Variants in DDX10 observed in about 807,000 individuals in gnomAD.
The protein encoded by DDX10 is DEAD-box helicase 10, also known as probable ATP-dependent RNA helicase DDX10.
Under a neutral mutation model 104.3 loss-of-function variants are expected in DDX10, and 74 were observed. That is an observed-to-expected ratio of 0.71 (90% CI 0.59 to 0.86). DDX10 has a LOEUF of 0.86. Ranked by LOEUF, DDX10 falls within the 40% of genes least tolerant of loss-of-function variation. DDX10 has a pLI of 0.00. For missense variants in DDX10, 952 were observed against 1,040.0 expected (o/e 0.92, Z 1.16); for synonymous variants, 351 against 353.4 (o/e 0.99, Z 0.08).
chr11:108,839,918 T>C (rs977963808), intron 14 of DDX10, among the ~76,000 whole-genome samples: 1 of 152,224 alleles, frequency 6.6e-6, no homozygotes, highest in Non-Finnish European at 1.5e-5. Flanking sequence ...ACTGCATAAA[T>C]TATACCAATT....
At chr11:108,686,428 C>T (rs1009570316) in intron 6 of DDX10, among the ~76,000 whole-genome samples, 2 of 152,188 alleles carry the variant, frequency 1.3e-5, no homozygotes, top group Non-Finnish European at 2.9e-5. Flanking sequence ...AGCCGCTGAT[C>T]TTTTTACTGT....
intron 16 of DDX10, among the ~76,000 whole-genome samples, chr11:108,861,525 G>A (rs1334857217): frequency 2.0e-5 from 3 of 152,136 alleles, no homozygotes; most frequent in Non-Finnish European, 4.4e-5. Flanking sequence ...ATGATATTGA[G>A]CAAAAGATGC....
rs74566067 is a variant in DDX10, at chr11:108,666,986, T to G, written c.186+1647T>G. ...TTAGCTACTTCTCTCTTACCTACTC[T>G]TATATCCAGTCGGTCACACTGCTGA... On this transcript the variant is annotated intron_variant, in intron 1 of 17. Coordinates refer to ENST00000322536, the MANE Select transcript of DDX10 (RefSeq NM_004398.4). 7.6e-3 allele frequency among the ~76,000 whole-genome samples: 1,165 copies of G among 152,326 alleles called. 31 individuals are homozygous for G. Among genetic ancestry groups the G allele is most frequent in the East Asian group, 0.043 (221 of 5,188 alleles).
chr11:108,692,540 C>G (rs1591793300), intron 8 of DDX10, among the ~76,000 whole-genome samples: 1 of 152,160 alleles, frequency 6.6e-6, no homozygotes. Context: ...GAGAGGAAAA[C>G]TAGACTTAGG....
At chr11:108,841,588 T>C in intron 15 of DDX10, 112 bp downstream of exon 15, 1 of 1,007,910 alleles carries the variant, frequency 9.9e-7, no homozygotes, top group Non-Finnish European at 1.4e-6. Context: ...TTGTTTTCTC[T>C]GACACTTCTT....
intron 10 of DDX10, among the ~76,000 whole-genome samples, chr11:108,710,260 C>T (rs2094282332): frequency 6.6e-6 from 1 of 151,988 alleles, no homozygotes; most frequent in Non-Finnish European, 1.5e-5. Flanking sequence ...ACGTAGGCTA[C>T]ACTAAACTTT....
intron 13 of DDX10, among the ~76,000 whole-genome samples, chr11:108,783,049 T>C (rs1476597384): frequency 6.6e-6 from 1 of 152,206 alleles, no homozygotes; most frequent in Non-Finnish European, 1.5e-5. Flanking sequence ...CTCAGATTAT[T>C]CATCGCCTCT....
At chr11:108,938,159 C>G (rs781132092) in intron 17 of DDX10, among the ~76,000 whole-genome samples, 36 of 151,974 alleles carry the variant, frequency 2.4e-4, no homozygotes, top group Admixed American at 6.6e-4. Flanking sequence ...TACATTATCC[C>G]CCTTTTGGTA....
In DDX10 at chr11:108,693,581, A is replaced by C; in HGVS notation, c.1204A>C (p.Arg402=). 6.2e-7 allele frequency: 1 copy of C among 1,613,872 alleles called. No individual in the cohort carries two copies. Among genetic ancestry groups the C allele is most frequent in the Non-Finnish European group, 8.5e-7 (1 of 1,179,736 alleles). ...CPEDANTYIH[R]AGRTARYKED... ...TGAGGATGCCAACACATATATTCAC[A>C]GAGCAGGTAGAACTGCCAGGTAGGT... is the stretch of plus-strand genomic sequence containing the variant. The change falls in exon 9 of 18, where the codon AGA becomes CGA. Residue 402 remains arginine (R), a synonymous_variant. Coordinates refer to ENST00000322536, the MANE Select transcript of DDX10 (RefSeq NM_004398.4).
At chr11:108,695,758 GTGTTTTTTTTTTT>G (rs1449853567) in intron 9 of DDX10, among the ~76,000 whole-genome samples, 1 of 143,038 alleles carries the variant, frequency 7.0e-6, no homozygotes, top group Non-Finnish European at 1.5e-5. Context: ...GAGTGTTTAA[GTGTTTTTTTTTTT>G]TGTTTTTTTT....
At chr11:108,704,368 T>C (rs187863911) in intron 9 of DDX10, among the ~76,000 whole-genome samples, 40 of 152,336 alleles carry the variant, frequency 2.6e-4, no homozygotes, top group Non-Finnish European at 3.4e-4. Flanking sequence ...TCTCTGTCCT[T>C]ATGGTTCCAA....
chr11:108,768,554 T>C (rs2094359072), intron 13 of DDX10, among the ~76,000 whole-genome samples: 1 of 152,188 alleles, frequency 6.6e-6, no homozygotes, highest in Non-Finnish European at 1.5e-5. Context: ...TGCAGCATAT[T>C]TTAATTTGTC....
In DDX10 at chr11:108,673,459, T is replaced by G. The variant is rs1287146177; in HGVS notation, c.187-8T>G. On this transcript the variant is annotated splice_polypyrimidine_tract_variant and splice_region_variant and intron_variant, in intron 1 of 17. Coordinates refer to ENST00000322536, the MANE Select transcript of DDX10 (RefSeq NM_004398.4). ...GAGTTACCCTGATTCCTTTTTCTTT[T>G]TTTCCAGATAAATGTAAATGAAATC... 3.2e-6 allele frequency: 5 copies of G among 1,572,990 alleles called. No homozygotes were observed. The highest frequency in any genetic ancestry group is 4.4e-6 in the Non-Finnish European group (5 of 1,144,656).
intron 14 of DDX10, among the ~76,000 whole-genome samples, chr11:108,840,825 C>T (rs906235838): frequency 6.6e-6 from 1 of 152,156 alleles, no homozygotes. Flanking sequence ...ACAAGACATA[C>T]AACTGCCCTC....
chr11:108,792,168 A>G (rs1047061071), intron 13 of DDX10, among the ~76,000 whole-genome samples: 11 of 152,178 alleles, frequency 7.2e-5, no homozygotes, highest in African/African-American at 2.4e-4. Context: ...ATATTTGGGT[A>G]TAAATTCTGT....
At chr11:108,793,924 G>T (rs530362621) in intron 13 of DDX10, among the ~76,000 whole-genome samples, 109 of 151,588 alleles carry the variant, frequency 7.2e-4, no homozygotes, top group African/African-American at 2.6e-3. Context: ...GAGAACATGG[G>T]ATATTTGTCT....
intron 10 of DDX10, among the ~76,000 whole-genome samples, chr11:108,710,296 G>T (rs574201140): frequency 7.6e-4 from 115 of 152,172 alleles, no homozygotes; most frequent in Admixed American, 2.5e-3. Flanking sequence ...TTAGCTTGCT[G>T]TAACTTTTTT....
intron 13 of DDX10, among the ~76,000 whole-genome samples, chr11:108,763,082 T>G (rs1482073654): frequency 6.6e-6 from 1 of 152,276 alleles, no homozygotes; most frequent in East Asian, 1.9e-4. Context: ...TTGAGCAGGC[T>G]TCACTACAGT....
intron 9 of DDX10, among the ~76,000 whole-genome samples, chr11:108,699,958 TGTATACTCG>T (rs1484267930): frequency 2.0e-5 from 3 of 152,214 alleles, no homozygotes; most frequent in African/African-American, 7.2e-5. Flanking sequence ...ATGGACTATT[TGTATACTCG>T]GTTACAAAGC....
Sources: allele counts gnomAD v4.1 joint callset (sites outside exome capture counted in the v4.1 genomes callset), GRCh38; gene constraint gnomAD v4.1.1; transcripts MANE v1.5; gene names NCBI Gene and HGNC (gene_info 2026-07-23, HGNC 2026-07-21).